The following TLN2 variants were observed in gnomAD, a reference collection of about 807,000 sequenced individuals.
TLN2 encodes the protein talin 2.
TLN2 carries 118 observed loss-of-function variants against 294.7 expected under a neutral mutation model. That is an observed-to-expected ratio of 0.40 (90% confidence interval 0.34 to 0.47). The LOEUF (loss-of-function observed/expected upper bound fraction) is 0.47. Among genes scored for constraint, TLN2 ranks in the 20% least tolerant of loss-of-function variants. The probability of loss-of-function intolerance (pLI) is 0.84; values close to 1 mark genes in which losing one functional copy is unlikely to be tolerated. For missense variants in TLN2, 3,083 were observed against 3,282.2 expected (o/e 0.94, Z 1.48); for synonymous variants, 1,431 against 1,304.5 (o/e 1.10, Z -2.09).
At chr15:62,685,458 C>T (rs2057204469) in intron 11 of TLN2, among the ~76,000 whole-genome samples, 1 of 152,128 alleles carries the variant, frequency 6.6e-6, no homozygotes, top group Non-Finnish European at 1.5e-5. Flanking sequence ...GTGGCATAAT[C>T]TTTACACACA....
chr15:62,647,454 A>G lies in TLN2; in HGVS notation c.136+8A>G. ...AGGCACAAACTGGGCAAGGTAGGTC[A>G]TGGGTTATTTACTGGCTTCTTAAAA... On this transcript the variant is annotated splice_region_variant and intron_variant, in intron 4 of 58. Transcript: ENST00000636159. 6 of 1,613,680 alleles carry G rather than the reference A, an allele frequency of 3.7e-6. No individual in the cohort carries two copies. The highest frequency in any genetic ancestry group is 5.1e-6 in the Non-Finnish European group (6 of 1,179,924).
At position 62,400,668 on chromosome 15, in the gene TLN2, A is replaced by G. The variant is rs756230392; in HGVS notation, c.-238+9983A>G. On this transcript the variant is annotated intron_variant, in intron 1 of 58. Coordinates refer to ENST00000636159, the MANE Select transcript of TLN2 (RefSeq NM_015059.3). ...TGGCTACATGTGAAGGGCATTGAGA[A>G]TAATATGGTGACCAGATGATAAATG... Among the ~76,000 whole-genome samples, 38 of 152,332 alleles carry G rather than the reference A, an allele frequency of 2.5e-4. No individual in the cohort carries two copies. In the Middle Eastern group the frequency reaches 0.01, roughly 41 times the overall value.
At chr15:62,766,491 T>C (rs1259389236) in intron 41 of TLN2, 69 bp downstream of exon 41, 8 of 1,440,882 alleles carry the variant, frequency 5.6e-6, no homozygotes, top group Non-Finnish European at 3.8e-6. Context: ...TTATTGACTT[T>C]ACTGTTATCA....
chr15:62,606,860 C>A (rs1596323894), intron 2 of TLN2, among the ~76,000 whole-genome samples: 1 of 152,176 alleles, frequency 6.6e-6, no homozygotes, highest in East Asian at 1.9e-4. Flanking sequence ...TAGCACCCTC[C>A]TCGCAGTGTT....
At chr15:62,469,301 A>G (rs2119694) in intron 1 of TLN2, among the ~76,000 whole-genome samples, 36,143 of 152,176 alleles carry the variant, frequency 0.24, 4,477 homozygotes, top group Non-Finnish European at 0.26. Flanking sequence ...GGAACTGTCT[A>G]CATTGTAGAC....
At chr15:62,558,603 G>C (rs181374565) in intron 1 of TLN2, among the ~76,000 whole-genome samples, 1 of 152,168 alleles carries the variant, frequency 6.6e-6, no homozygotes, top group Non-Finnish European at 1.5e-5. Flanking sequence ...TTATATATAC[G>C]TGGAAGATAC....
At chr15:62,604,542 A>AAG (rs1555443877) in intron 2 of TLN2, among the ~76,000 whole-genome samples, 10 of 150,078 alleles carry the variant, frequency 6.7e-5, no homozygotes, top group Admixed American at 1.3e-4. Context: ...AAAAAAAAAA[A>AAG]AAAAGAAAAG....
Position 62,574,834 on chromosome 15 carries a change from A to C in TLN2, c.-237-14853A>C, listed in dbSNP as rs543738808. On this transcript the variant is annotated intron_variant, in intron 1 of 58. Coordinates refer to ENST00000636159, the MANE Select transcript of TLN2 (RefSeq NM_015059.3). ...TTGGCATTTTAGTTGTAGATATAAA[A>C]ATATAAGTGTTACAGATCCTAATCC... Among the ~76,000 whole-genome samples the C allele has an allele frequency of 5.3e-4, 81 of 152,156 alleles. 2 individuals are homozygous for C. In the South Asian group the frequency reaches 0.016, roughly 30 times the overall value.
chr15:62,702,805 C>G lies in TLN2; in HGVS notation c.1945C>G (p.Gln649Glu), dbSNP rs755884991. The change falls in exon 19 of 59, where the codon CAA (glutamine) becomes GAA (glutamate). Residue 649 changes from glutamine to glutamate, a missense_variant. Gln to Glu is a conservative substitution (Grantham distance 29, BLOSUM62 2). Coordinates refer to ENST00000636159, the MANE Select transcript of TLN2 (RefSeq NM_015059.3). The part of the protein sequence containing the change: ...TVLTAAGSIG[Q>E]ASGDLLRQIG... Reference sequence around the variant, plus strand: ...TTTGACTGCTGCTGGCAGCATCGGACAAGCCAGTGGGGATCTTCTGAGACA... The same window carrying G: ...TTTGACTGCTGCTGGCAGCATCGGAGAAGCCAGTGGGGATCTTCTGAGACA... 6.8e-6 allele frequency: 11 copies of G among 1,613,876 alleles called. No individual in the cohort carries two copies. Among genetic ancestry groups the G allele is most frequent in the Non-Finnish European group, 9.3e-6 (11 of 1,180,006 alleles).
intron 1 of TLN2, among the ~76,000 whole-genome samples, chr15:62,399,554 C>T (rs564773274): frequency 2.0e-5 from 3 of 152,340 alleles, no homozygotes; most frequent in African/African-American, 7.2e-5. Context: ...GGAGGGTGTA[C>T]ACTGCAAAGC....
At chr15:62,633,440 G>C (rs1400741470) in intron 3 of TLN2, among the ~76,000 whole-genome samples, 1 of 152,104 alleles carries the variant, frequency 6.6e-6, no homozygotes, top group African/African-American at 2.4e-5. Context: ...AGGACTGCAG[G>C]TGCACACCAC....
At chr15:62,550,274 G>A (rs183974870) in intron 1 of TLN2, among the ~76,000 whole-genome samples, 81 of 152,204 alleles carry the variant, frequency 5.3e-4, no homozygotes, top group African/African-American at 1.9e-3. Context: ...GTTTATTTTT[G>A]CAGAGATGAG....
intron 42 of TLN2, among the ~76,000 whole-genome samples, chr15:62,773,315 A>G (rs2063477109): frequency 6.6e-6 from 1 of 151,804 alleles, no homozygotes; most frequent in Non-Finnish European, 1.5e-5. Context: ...GCTTTCTGGT[A>G]ACAGCCTCTG....
intron 37 of TLN2, among the ~76,000 whole-genome samples, chr15:62,756,651 G>T (rs1048846185): frequency 2.0e-5 from 3 of 152,170 alleles, no homozygotes; most frequent in African/African-American, 7.2e-5. Flanking sequence ...GTTTGGCTTT[G>T]CTGCTGGGAC....
intron 29 of TLN2, among the ~76,000 whole-genome samples, chr15:62,737,827 G>A (rs888928096): frequency 5.3e-5 from 8 of 152,276 alleles, no homozygotes; most frequent in Middle Eastern, 3.4e-3. Flanking sequence ...CCACCTCGGC[G>A]ACCTCAGCAG....
chr15:62,687,994 AAG>A (rs2057435526), intron 12 of TLN2: 1 of 152,244 alleles, frequency 6.6e-6, no homozygotes, highest in Non-Finnish European at 1.5e-5. Context: ...CAACTGCTAA[AAG>A]AGTTGAAAGT....
intron 54 of TLN2, chr15:62,831,447 A>G (rs2141244355): frequency 1.3e-5 from 2 of 152,076 alleles, no homozygotes; most frequent in African/African-American, 4.8e-5. Context: ...AAAGCTCTTA[A>G]TCTCACGGTT....
At position 62,667,178 on chromosome 15, in the gene TLN2, G is replaced by C. The variant is rs985671237; in HGVS notation, c.789-6649G>C. ...AGACGGGGTTTCACCATGTTAGCCA[G>C]GATGGTCTCGATCTCCTGACCTAGT... On this transcript the variant is annotated intron_variant, in intron 9 of 58. Transcript: ENST00000636159. Among the ~76,000 whole-genome samples the C allele has an allele frequency of 1.2e-4, 19 of 152,220 alleles. No homozygotes were observed. The South Asian group carries it at 1.7e-3, about 13-fold the overall frequency.
At chr15:62,591,225 T>C (rs747830503) in intron 2 of TLN2, among the ~76,000 whole-genome samples, 2 of 152,234 alleles carry the variant, frequency 1.3e-5, no homozygotes, top group Non-Finnish European at 2.9e-5. Flanking sequence ...ATTATGAAAA[T>C]GCTGTTTATT....
Sources: gnomAD v4.1 joint callset for allele counts (sites outside exome capture counted in the v4.1 genomes callset) on GRCh38, gnomAD v4.1.1 for gene constraint, MANE v1.5 for transcripts, NCBI Gene and HGNC (gene_info 2026-07-23, HGNC 2026-07-21) for gene names.